The following ANKRD12 variants were observed in gnomAD, a reference collection of about 807,000 sequenced individuals.
ANKRD12 encodes the protein ankyrin repeat domain 12, also known as ankyrin repeat domain-containing protein 12.
ANKRD12 carries 85 observed loss-of-function variants against 183.4 expected under a neutral mutation model. The observed-to-expected ratio is 0.46, with a 90% CI of 0.39 to 0.56. The LOEUF is 0.56. ANKRD12 is among the 20% of genes least tolerant of loss of function. The pLI, the probability that ANKRD12 is intolerant of heterozygous loss-of-function variation, is 0.00. For missense variants in ANKRD12, 2,405 were observed against 2,357.1 expected, an observed-to-expected ratio of 1.02 and a Z score of -0.42; for synonymous variants, 914 against 800.2, an observed-to-expected ratio of 1.14 and a Z score of -2.40.
chr18:9,262,145 T>C (rs2039006660), intron 9 of ANKRD12, among the ~76,000 whole-genome samples: 1 of 152,180 alleles, frequency 6.6e-6, no homozygotes, highest in African/African-American at 2.4e-5. Context: ...ATAATGCTGA[T>C]TATAGAGTCT....
chr18:9,226,595 G>A (rs2036728235), intron 8 of ANKRD12, among the ~76,000 whole-genome samples: 1 of 151,904 alleles, frequency 6.6e-6, no homozygotes, highest in Non-Finnish European at 1.5e-5. Context: ...CTGAGAAGCA[G>A]GGTTTTTACA....
chr18:9,222,200 A>G (rs1372400109), intron 8 of ANKRD12, among the ~76,000 whole-genome samples: 1 of 152,204 alleles, frequency 6.6e-6, no homozygotes, highest in Non-Finnish European at 1.5e-5. Flanking sequence ...GAATGAAGTC[A>G]TAATGCCATT....
chr18:9,247,998 G>A (rs72939226), intron 8 of ANKRD12, among the ~76,000 whole-genome samples: 23 of 152,262 alleles, frequency 1.5e-4, no homozygotes, highest in Admixed American at 5.9e-4. Context: ...CATTGGCCAG[G>A]CTGGTCTCGG....
chr18:9,214,440 T>C (rs185363668), intron 6 of ANKRD12, among the ~76,000 whole-genome samples: 10 of 152,226 alleles, frequency 6.6e-5, no homozygotes, highest in Admixed American at 5.9e-4. Flanking sequence ...AGCTCAAATA[T>C]TGGGACTATC....
chr18:9,257,405 A>G lies in ANKRD12; in HGVS notation c.4138A>G (p.Lys1380Glu). The change falls in exon 9 of 13, where the codon AAG becomes GAG. Residue 1380 changes from lysine to glutamate, a missense_variant. By Grantham distance (56) the Lys-to-Glu change is moderately conservative. Transcript: ENST00000262126. ...ATSPTGASNS[K>E]YVSADRNLIK... ...TTCTCCAACTGGAGCTTCAAACAGC[A>G]AGTATGTTTCAGCTGATAGAAATCT... The G allele has an allele frequency of 6.2e-7, 1 of 1,614,182 alleles. No homozygotes were observed. Among genetic ancestry groups the G allele is most frequent in the East Asian group, 2.2e-5 (1 of 44,888 alleles).
rs139857271 is a variant in ANKRD12 at position 9,194,327 on chromosome 18, T to TTTTATTTA, written c.88-1185_88-1178dup. Among the ~76,000 whole-genome samples, 1,260 of 144,610 alleles carry TTTTATTTA rather than the reference T, an allele frequency of 8.7e-3. 13 individuals are homozygous for TTTTATTTA. Among genetic ancestry groups the TTTTATTTA allele is most frequent in the East Asian group, 0.034 (164 of 4,872 alleles). 94.9% of individuals were successfully genotyped at this position (144,610 alleles called of 152,430 possible). Reference sequence around the variant, plus strand: ...ATTTGAGAACTACTGATATAGATAATTTTATTTATTTATTTATTTATTTAT... The same window carrying TTTTATTTA: ...ATTTGAGAACTACTGATATAGATAATTTTATTTATTTATTTATTTATTTATTTATTTAT... On this transcript the variant is annotated intron_variant, in intron 2 of 12. Coordinates refer to ENST00000262126, the MANE Select transcript of ANKRD12 (RefSeq NM_015208.5).
intron 1 of ANKRD12, among the ~76,000 whole-genome samples, chr18:9,163,714 A>G (rs2031717293): frequency 1.3e-5 from 2 of 152,150 alleles, no homozygotes; most frequent in African/African-American, 2.4e-5. Flanking sequence ...TTCCTTGACC[A>G]GTGATTTGTA....
chr18:9,279,479 A>G (rs890598093), intron 11 of ANKRD12, 70 bp from the exon 12 acceptor site: 1 of 914,062 alleles, frequency 1.1e-6, no homozygotes, highest in East Asian at 2.5e-5. Context: ...TATACCATAA[A>G]AATACTATAA....
chr18:9,210,609 C>T (rs572829156), intron 5 of ANKRD12, among the ~76,000 whole-genome samples: 1 of 150,984 alleles, frequency 6.6e-6, no homozygotes. Flanking sequence ...GTAATCCAGC[C>T]ACTCGGGAGG....
rs146282876 is a variant in ANKRD12 at position 9,257,503 on chromosome 18, T to G, written c.4236T>G (p.Gly1412=). Residue 1412 remains glycine, a synonymous_variant, in exon 9 of 13, where the codon GGT becomes GGG. Coordinates refer to ENST00000262126, the MANE Select transcript of ANKRD12 (RefSeq NM_015208.5). ...PVHLEPSSQV[G]VIQNKSWEMP... ...ATTTAGAGCCATCTAGTCAGGTTGG[T>G]GTGATCCAGAATAAATCATGGGAGA... 547 of 1,613,986 alleles carry G rather than the reference T, an allele frequency of 3.4e-4. No individual in the cohort carries two copies. The highest frequency in any genetic ancestry group is 4.1e-4 in the Non-Finnish European group (481 of 1,180,002).
intron 11 of ANKRD12, among the ~76,000 whole-genome samples, chr18:9,278,675 T>C (rs2039967615): frequency 6.6e-6 from 1 of 152,012 alleles, no homozygotes; most frequent in Non-Finnish European, 1.5e-5. Flanking sequence ...CGGGTGCCTG[T>C]AATCCCAGCT....
intron 8 of ANKRD12, among the ~76,000 whole-genome samples, chr18:9,224,578 G>C (rs1350290145): frequency 6.6e-6 from 1 of 152,120 alleles, no homozygotes; most frequent in African/African-American, 2.4e-5. Flanking sequence ...TTTGGATGTT[G>C]GTGAGCTTGG....
At chr18:9,265,941 T>G (rs922728604) in intron 10 of ANKRD12, among the ~76,000 whole-genome samples, 5 of 152,144 alleles carry the variant, frequency 3.3e-5, no homozygotes, top group African/African-American at 7.2e-5. Context: ...CTGATGGAAC[T>G]GAAAACCAAG....
intron 8 of ANKRD12, among the ~76,000 whole-genome samples, chr18:9,228,390 T>A (rs1340259414): frequency 6.6e-6 from 1 of 152,094 alleles, no homozygotes; most frequent in Non-Finnish European, 1.5e-5. Flanking sequence ...TTCTGAGAAA[T>A]CTCCAAACTT....
chr18:9,199,275 A>G (rs1396144725), intron 3 of ANKRD12, among the ~76,000 whole-genome samples: 2 of 152,204 alleles, frequency 1.3e-5, no homozygotes, highest in Non-Finnish European at 2.9e-5. Context: ...CTGTAGAATA[A>G]TACGTAATAT....
At position 9,258,626 on chromosome 18, in the gene ANKRD12, A is replaced by C. The variant is rs780247117; in HGVS notation, c.5359A>C (p.Arg1787=). Residue 1787 remains arginine (R), a synonymous_variant, in exon 9 of 13, where the codon AGG becomes CGG. Transcript: ENST00000262126. ...TCCTCAAATTCACCATCCACGGAAA[A>C]GGAAAGTGTCACGTGTACCTCAGCC... The part of the protein sequence containing the change: ...DDPQIHHPRK[R]KVSRVPQPVQ... 7 of 1,613,828 alleles carry C rather than the reference A, an allele frequency of 4.3e-6. No homozygotes were observed. The Admixed American group carries it at 1.2e-4, about 27-fold the overall frequency.
At chr18:9,150,017 G>A (rs559803566) in intron 1 of ANKRD12, among the ~76,000 whole-genome samples, 2 of 151,824 alleles carry the variant, frequency 1.3e-5, no homozygotes, top group Admixed American at 6.6e-5. Context: ...GGCTGGTCTC[G>A]ACCTCCTGAC....
intron 1 of ANKRD12, among the ~76,000 whole-genome samples, chr18:9,156,855 A>T (rs1324666043): frequency 6.6e-6 from 1 of 152,386 alleles, no homozygotes; most frequent in South Asian, 2.1e-4. Context: ...CTTTGAAGTC[A>T]GTATGCTAAG....
chr18:9,175,998 C>G (rs2033234421), intron 1 of ANKRD12, among the ~76,000 whole-genome samples: 1 of 152,160 alleles, frequency 6.6e-6, no homozygotes, highest in Non-Finnish European at 1.5e-5. Flanking sequence ...AGAAGTCTGT[C>G]AGACAAGACT....
Sources: allele counts gnomAD v4.1 joint callset (sites outside exome capture counted in the v4.1 genomes callset), GRCh38; gene constraint gnomAD v4.1.1; transcripts MANE v1.5; gene names NCBI Gene and HGNC (gene_info 2026-07-23, HGNC 2026-07-21).